The following NLGN1 variants were observed in gnomAD, a reference collection of about 807,000 sequenced individuals.
NLGN1 encodes the protein neuroligin-1.
A neutral mutation model predicts 65.5 loss-of-function variants in NLGN1; 12 were observed. The observed-to-expected ratio is 0.18, with a 90% CI of 0.12 to 0.30. The LOEUF is 0.30. NLGN1 is among the 10% of genes least tolerant of loss of function. NLGN1 has a pLI of 1.00. For synonymous variants in NLGN1, 350 were observed against 359.5 expected (o/e 0.97, Z 0.30); for missense variants, 750 against 1,007.1 (o/e 0.74, Z 3.46).
intron 2 of NLGN1, among the ~76,000 whole-genome samples, chr3:173,544,035 C>T (rs1358232733): frequency 6.6e-6 from 1 of 151,874 alleles, no homozygotes; most frequent in African/African-American, 2.4e-5. Flanking sequence ...GAGAAAACTC[C>T]TATGGAAAAT....
In NLGN1 at chr3:174,175,500, G is replaced by A. The variant is rs530679992; in HGVS notation, c.647-99815G>A. Among the ~76,000 whole-genome samples the A allele has an allele frequency of 8.8e-4, 133 of 151,476 alleles. 1 individual carries two copies. The highest frequency in any genetic ancestry group is 1.7e-3 in the East Asian group (9 of 5,150). On this transcript the variant is annotated intron_variant, in intron 4 of 6. Transcript: ENST00000457714. Reference sequence around the variant, plus strand: ...TGGCATGGAATATCTTTTTCCCTCCGTTTATTTTCAGTCTATATGTGTCTC... The same window carrying A: ...TGGCATGGAATATCTTTTTCCCTCCATTTATTTTCAGTCTATATGTGTCTC...
At chr3:173,636,893 A>G (rs1756677080) in intron 3 of NLGN1, among the ~76,000 whole-genome samples, 1 of 152,176 alleles carries the variant, frequency 6.6e-6, no homozygotes, top group Admixed American at 6.5e-5. Context: ...CAGTGAAAAG[A>G]GGTCAAGAAA....
chr3:173,961,057 G>A (rs1713436646), intron 4 of NLGN1, among the ~76,000 whole-genome samples: 1 of 151,906 alleles, frequency 6.6e-6, no homozygotes, highest in Admixed American at 6.6e-5. Context: ...TTTATGAATA[G>A]CATTTAGATT....
chr3:173,707,850 A>G (rs1768291516), intron 3 of NLGN1, among the ~76,000 whole-genome samples: 1 of 152,224 alleles, frequency 6.6e-6, no homozygotes, highest in Non-Finnish European at 1.5e-5. Context: ...GGTAGCACTC[A>G]AAAATTACCT....
chr3:173,967,934 AT>A (rs1487479355), intron 4 of NLGN1, among the ~76,000 whole-genome samples: 1 of 152,138 alleles, frequency 6.6e-6, no homozygotes, highest in African/African-American at 2.4e-5. Flanking sequence ...TTCAAGTTTA[AT>A]TTTATCCCAT....
At chr3:174,244,346 A>T (rs1743414006) in intron 4 of NLGN1, among the ~76,000 whole-genome samples, 1 of 152,188 alleles carries the variant, frequency 6.6e-6, no homozygotes, top group Admixed American at 6.5e-5. Flanking sequence ...TTTCTGCATG[A>T]TGCTTGTTAT....
intron 3 of NLGN1, among the ~76,000 whole-genome samples, chr3:173,806,172 C>G (rs895075984): frequency 6.6e-6 from 1 of 152,118 alleles, no homozygotes; most frequent in African/African-American, 2.4e-5. Context: ...CTGCAATGAG[C>G]CATTTCCCCA....
intron 4 of NLGN1, among the ~76,000 whole-genome samples, chr3:174,129,612 T>C (rs7626528): frequency 0.14 from 21,777 of 152,214 alleles, 2,700 homozygotes; most frequent in African/African-American, 0.33. Flanking sequence ...ATTGTACTGG[T>C]TAGACTTTAG....
chr3:173,894,140 A>G (rs549262728), intron 4 of NLGN1, among the ~76,000 whole-genome samples: 2 of 152,224 alleles, frequency 1.3e-5, no homozygotes, highest in Middle Eastern at 6.8e-3. Context: ...TATAGCACTT[A>G]TCACAGGGTG....
chr3:173,680,535 A>C (rs1763813940), intron 3 of NLGN1, among the ~76,000 whole-genome samples: 1 of 152,186 alleles, frequency 6.6e-6, no homozygotes, highest in Non-Finnish European at 1.5e-5. Context: ...TATCAAGGTG[A>C]CAAGTTTTTA....
At chr3:174,172,734 A>T (rs754621966) in intron 4 of NLGN1, among the ~76,000 whole-genome samples, 12 of 152,114 alleles carry the variant, frequency 7.9e-5, no homozygotes, top group Non-Finnish European at 1.8e-4. Flanking sequence ...GCAGTATAAT[A>T]TAAAGTCAGG....
At chr3:173,655,965 C>T (rs951459788) in intron 3 of NLGN1, among the ~76,000 whole-genome samples, 7 of 152,122 alleles carry the variant, frequency 4.6e-5, no homozygotes, top group Admixed American at 2.6e-4. Flanking sequence ...CACAGAGTGG[C>T]AGTGGGCCCA....
At chr3:173,792,699 G>A (rs891441403) in intron 3 of NLGN1, among the ~76,000 whole-genome samples, 1 of 152,062 alleles carries the variant, frequency 6.6e-6, no homozygotes, top group Non-Finnish European at 1.5e-5. Flanking sequence ...ATAGTAAGAG[G>A]GTCTTATGGG....
chr3:173,518,016 A>G (rs2149123096), intron 2 of NLGN1, among the ~76,000 whole-genome samples: 1 of 152,316 alleles, frequency 6.6e-6, no homozygotes. Flanking sequence ...AAGCCTTTAA[A>G]TGAGAAATTA....
intron 1 of NLGN1, among the ~76,000 whole-genome samples, chr3:173,414,280 G>A (rs1323543757): frequency 6.6e-6 from 1 of 152,170 alleles, no homozygotes; most frequent in Non-Finnish European, 1.5e-5. Context: ...ATGTTATATA[G>A]TACTCTTCTT....
intron 2 of NLGN1, among the ~76,000 whole-genome samples, chr3:173,536,767 G>C (rs187424032): frequency 6.7e-6 from 1 of 149,818 alleles, no homozygotes; most frequent in African/African-American, 2.5e-5. Flanking sequence ...ACGAGTGTGC[G>C]TGTGTGTGTG....
chr3:173,532,256 G>C (rs1202858262), intron 2 of NLGN1, among the ~76,000 whole-genome samples: 1 of 152,038 alleles, frequency 6.6e-6, no homozygotes, highest in Non-Finnish European at 1.5e-5. Context: ...GTAGATATTT[G>C]ATGCCATCTC....
intron 4 of NLGN1, among the ~76,000 whole-genome samples, chr3:173,829,239 A>G (rs1721979065): frequency 6.6e-6 from 1 of 152,142 alleles, no homozygotes. Context: ...GCAAGACAGC[A>G]TCCAGTTAGG....
At chr3:173,478,887 G>T (rs1377889798) in intron 2 of NLGN1, among the ~76,000 whole-genome samples, 1 of 150,694 alleles carries the variant, frequency 6.6e-6, no homozygotes, top group Non-Finnish European at 1.5e-5. Context: ...GCAAGACCGT[G>T]TCTCGATTAA....
Sources: gnomAD v4.1 joint callset for allele counts (sites outside exome capture counted in the v4.1 genomes callset) on GRCh38, gnomAD v4.1.1 for gene constraint, MANE v1.5 for transcripts, NCBI Gene and HGNC (gene_info 2026-07-23, HGNC 2026-07-21) for gene names.